Variants in KCNH5 observed in about 807,000 individuals in gnomAD.
KCNH5 encodes the protein potassium voltage-gated channel subfamily H member 5.
In KCNH5, 46 loss-of-function variants were observed where a neutral mutation model predicts 96.1. The ratio of observed to expected loss-of-function variants is 0.48; its 90% CI spans 0.38 to 0.61. KCNH5 has a LOEUF of 0.61. Ranked by LOEUF, KCNH5 falls within the 20% of genes least tolerant of loss-of-function variation. The pLI is 0.00. For synonymous variants in KCNH5, 439 were observed against 449.8 expected (o/e 0.98, Z 0.30); for missense variants, 907 against 1,225.8 (o/e 0.74, Z 3.88).
intron 10 of KCNH5, among the ~76,000 whole-genome samples, chr14:62,755,771 G>A (rs779617366): frequency 3.3e-5 from 5 of 152,138 alleles, no homozygotes. Context: ...GACCAAGTGG[G>A]ATTTATCCCA....
At chr14:62,959,261 CAA>C (rs1322757173) in intron 6 of KCNH5, among the ~76,000 whole-genome samples, 6 of 152,074 alleles carry the variant, frequency 3.9e-5, no homozygotes, top group African/African-American at 1.4e-4. Context: ...CTTTTAACAG[CAA>C]ACTCCTGGCC....
intron 7 of KCNH5, among the ~76,000 whole-genome samples, chr14:62,924,162 C>A (rs1595686523): frequency 6.6e-6 from 1 of 151,768 alleles, no homozygotes; most frequent in South Asian, 2.1e-4. Flanking sequence ...GGGCAAAGGA[C>A]CTGAATAGTC....
At chr14:62,732,127 A>G (rs181537230) in intron 10 of KCNH5, among the ~76,000 whole-genome samples, 60 of 152,116 alleles carry the variant, frequency 3.9e-4, no homozygotes, top group Non-Finnish European at 6.3e-4. Flanking sequence ...CAAAATCCAC[A>G]CAGATCCCCA....
chr14:62,721,008 T>C (rs979063049), intron 10 of KCNH5, among the ~76,000 whole-genome samples: 1 of 152,234 alleles, frequency 6.6e-6, no homozygotes, highest in African/African-American at 2.4e-5. Flanking sequence ...TCTATAGCAG[T>C]GATGAAATCT....
intron 4 of KCNH5, among the ~76,000 whole-genome samples, chr14:62,993,556 AT>A (rs1291929463): frequency 6.6e-6 from 1 of 152,024 alleles, no homozygotes; most frequent in African/African-American, 2.4e-5. Context: ...CGTTTCAATC[AT>A]GTACTTTGAA....
chr14:62,738,169 A>C (rs1885198089), intron 10 of KCNH5, among the ~76,000 whole-genome samples: 1 of 152,212 alleles, frequency 6.6e-6, no homozygotes, highest in African/African-American at 2.4e-5. Flanking sequence ...TAAATGGCTA[A>C]TGTGCAGACA....
chr14:62,757,445 T>C (rs1366796615), intron 10 of KCNH5, among the ~76,000 whole-genome samples: 1 of 152,114 alleles, frequency 6.6e-6, no homozygotes, highest in Non-Finnish European at 1.5e-5. Context: ...GCTGGGTATA[T>C]ACCCAAAAGA....
intron 2 of KCNH5, among the ~76,000 whole-genome samples, chr14:63,013,894 A>G (rs890137783): frequency 6.6e-6 from 1 of 152,164 alleles, no homozygotes; most frequent in Non-Finnish European, 1.5e-5. Context: ...TACAGCAAAC[A>G]TAAAATGGAT....
At chr14:63,011,994 A>G (rs1891237930) in intron 2 of KCNH5, among the ~76,000 whole-genome samples, 1 of 152,194 alleles carries the variant, frequency 6.6e-6, no homozygotes, top group Non-Finnish European at 1.5e-5. Flanking sequence ...CACCCTACCT[A>G]AACTACCTGA....
At chr14:62,902,177 T>G (rs554201591) in intron 7 of KCNH5, among the ~76,000 whole-genome samples, 1 of 152,262 alleles carries the variant, frequency 6.6e-6, no homozygotes, top group Admixed American at 6.5e-5. Context: ...CTTTACTCAG[T>G]TGATGGTTTC....
chr14:62,799,241 T>A (rs1403889740), intron 9 of KCNH5, among the ~76,000 whole-genome samples: 1 of 152,032 alleles, frequency 6.6e-6, no homozygotes, highest in African/African-American at 2.4e-5. Flanking sequence ...TAAGATATGT[T>A]AACCCACCAC....
At chr14:62,941,367 A>C (rs1889786369) in intron 7 of KCNH5, among the ~76,000 whole-genome samples, 1 of 152,188 alleles carries the variant, frequency 6.6e-6, no homozygotes, top group African/African-American at 2.4e-5. Context: ...TAGTTGGAAT[A>C]AGAATCAGGG....
At chr14:62,829,226 C>T (rs946792781) in intron 8 of KCNH5, among the ~76,000 whole-genome samples, 3 of 152,066 alleles carry the variant, frequency 2.0e-5, no homozygotes, top group African/African-American at 7.2e-5. Flanking sequence ...TTTCCAGGGG[C>T]ACAGTGCAAG....
intron 10 of KCNH5, among the ~76,000 whole-genome samples, chr14:62,711,810 A>T (rs1471124331): frequency 6.6e-6 from 1 of 152,214 alleles, no homozygotes; most frequent in African/African-American, 2.4e-5. Context: ...GGCAAGGCAA[A>T]AGCACTGTGT....
At position 62,703,176 on chromosome 14, in the gene KCNH5, T is replaced by C. The variant is rs576462609; in HGVS notation, c.*4332A>G. On this transcript the variant is annotated 3_prime_UTR_variant, in exon 11 of 11. Transcript: ENST00000322893. ...CTTTCCACGTTTATTTGATTTGTAGTTCTAAATTCCCACATAAGTATGAAG... is the reference window on the plus strand; with the variant it reads ...CTTTCCACGTTTATTTGATTTGTAGCTCTAAATTCCCACATAAGTATGAAG... The C allele has an allele frequency of 6.6e-6, 1 of 152,056 alleles. No individual in the cohort carries two copies. Among genetic ancestry groups the C allele is most frequent in the African/African-American group, 2.4e-5 (1 of 41,556 alleles). The allele number at this position is 152,056 out of a possible 1,614,324, so 9.4% of individuals were successfully genotyped here.
At chr14:62,976,824 A>G (rs1400415351) in intron 6 of KCNH5, among the ~76,000 whole-genome samples, 1 of 152,196 alleles carries the variant, frequency 6.6e-6, no homozygotes, top group Non-Finnish European at 1.5e-5. Flanking sequence ...TAGCTTAACT[A>G]TCAATCAGGT....
intron 8 of KCNH5, among the ~76,000 whole-genome samples, chr14:62,808,945 G>A (rs1886822033): frequency 6.6e-6 from 1 of 152,060 alleles, no homozygotes; most frequent in Non-Finnish European, 1.5e-5. Context: ...TTTGGAAATT[G>A]TAACATTAGA....
At chr14:63,040,190 C>G (rs1194602069) in intron 1 of KCNH5, among the ~76,000 whole-genome samples, 1 of 152,080 alleles carries the variant, frequency 6.6e-6, no homozygotes, top group African/African-American at 2.4e-5. Flanking sequence ...CTACGCCCTT[C>G]TATTAAAAAT....
In KCNH5 at chr14:62,705,364, T is replaced by C. The variant is rs1178847140; in HGVS notation, c.*2144A>G. The C allele has an allele frequency of 1.3e-5, 2 of 151,986 alleles. No homozygotes were observed. The highest frequency in any genetic ancestry group is 2.9e-5 in the Non-Finnish European group (2 of 67,872). The allele number at this position is 151,986 out of a possible 1,614,324, so 9.4% of individuals were successfully genotyped here. A position where few individuals can be genotyped will look rare whatever the true frequency, so the allele number is the denominator to read the frequency against. ...AACCACACATTCACCTTTAAAAGCT[T>C]AAGCCAAACTTGACTTAAACAAATA... On this transcript the variant is annotated 3_prime_UTR_variant, in exon 11 of 11. Transcript: ENST00000322893.
Sources: gnomAD v4.1 joint callset for allele counts (sites outside exome capture counted in the v4.1 genomes callset) on GRCh38, gnomAD v4.1.1 for gene constraint, MANE v1.5 for transcripts, NCBI Gene and HGNC (gene_info 2026-07-23, HGNC 2026-07-21) for gene names.